Variants in NXPH1 observed in about 807,000 individuals in gnomAD.
The protein encoded by NXPH1 is neurexophilin 1.
A neutral mutation model predicts 23.7 loss-of-function variants in NXPH1; 5 were observed. The observed-to-expected ratio is 0.21, with a 90% CI of 0.11 to 0.44. NXPH1 has a LOEUF of 0.44. Ranked by LOEUF, NXPH1 falls within the 20% of genes least tolerant of loss-of-function variation. NXPH1 has a pLI of 0.99. For missense variants in NXPH1, 324 were observed against 321.6 expected (o/e 1.01, Z -0.06); for synonymous variants, 144 against 122.2 (o/e 1.18, Z -1.18).
chr7:8,725,143 T>C lies in NXPH1; in HGVS notation c.55-25865T>C, dbSNP rs370764533. 5.3e-5 allele frequency among the ~76,000 whole-genome samples: 8 copies of C among 152,136 alleles called. No individual in the cohort carries two copies. The East Asian group carries it at 9.6e-4, about 18-fold the overall frequency. ...GGGAATAGTTTTCTTATAGAAATAG[T>C]GGTGTTTGATATTCTCAGTGCATGA... is the stretch of plus-strand genomic sequence containing the variant. On this transcript the variant is annotated intron_variant, in intron 2 of 2. Coordinates refer to ENST00000405863, the MANE Select transcript of NXPH1 (RefSeq NM_152745.3).
intron 2 of NXPH1, among the ~76,000 whole-genome samples, chr7:8,693,606 G>A: frequency 6.6e-6 from 1 of 152,140 alleles, no homozygotes; most frequent in East Asian, 1.9e-4. Flanking sequence ...TTATCATTAA[G>A]TGTTATTATT....
At chr7:8,478,266 AC>A (rs1384190336) in intron 2 of NXPH1, among the ~76,000 whole-genome samples, 1 of 152,238 alleles carries the variant, frequency 6.6e-6, no homozygotes, top group Non-Finnish European at 1.5e-5. Context: ...GGGACCAAAA[AC>A]TGTAATGTGA....
intron 2 of NXPH1, among the ~76,000 whole-genome samples, chr7:8,575,308 T>A (rs1344306385): frequency 2.0e-5 from 3 of 152,214 alleles, no homozygotes; most frequent in Non-Finnish European, 4.4e-5. Flanking sequence ...ACAACTAAAA[T>A]GTCTCTTTTT....
At chr7:8,493,997 T>C (rs1391666575) in intron 2 of NXPH1, among the ~76,000 whole-genome samples, 5 of 152,072 alleles carry the variant, frequency 3.3e-5, no homozygotes, top group African/African-American at 4.8e-5. Context: ...AAGAAGTTAG[T>C]TGATTTTTAT....
rs1302405932 is a variant in NXPH1 at position 8,442,485 on chromosome 7, C to A, written c.54+6718C>A. Among the ~76,000 whole-genome samples the A allele has an allele frequency of 6.6e-6, 1 of 152,176 alleles. No homozygotes were observed. The highest frequency in any genetic ancestry group is 2.4e-5 in the African/African-American group (1 of 41,466). ...GGGAGGCCGCGCGTCCTCGCCACAC[C>A]GGAAGGAGAGGGCATCCGGCTCACA... is the stretch of plus-strand genomic sequence containing the variant. On this transcript the variant is annotated intron_variant, in intron 2 of 2. Coordinates refer to ENST00000405863, the MANE Select transcript of NXPH1 (RefSeq NM_152745.3). The surrounding 1 kb of genome is among the most constrained non-coding windows in gnomAD (Gnocchi z 4.6).
intron 2 of NXPH1, among the ~76,000 whole-genome samples, chr7:8,653,916 G>A (rs369906320): frequency 3.3e-5 from 5 of 152,228 alleles, no homozygotes; most frequent in Admixed American, 2.0e-4. Context: ...AACTCCTATC[G>A]TTAGAAAAAT....
intron 2 of NXPH1, among the ~76,000 whole-genome samples, chr7:8,465,052 A>G (rs1265289158): frequency 6.6e-6 from 1 of 152,234 alleles, no homozygotes; most frequent in Non-Finnish European, 1.5e-5. Flanking sequence ...AGAGGCGGAT[A>G]TAGATACCAG....
intron 2 of NXPH1, among the ~76,000 whole-genome samples, chr7:8,533,691 A>G (rs1437004886): frequency 6.6e-6 from 1 of 152,118 alleles, no homozygotes; most frequent in African/African-American, 2.4e-5. Flanking sequence ...TCAGAAAGAA[A>G]TTCTTTCTGT....
intron 2 of NXPH1, among the ~76,000 whole-genome samples, chr7:8,504,249 C>T (rs1351754924): frequency 6.6e-6 from 1 of 152,014 alleles, no homozygotes; most frequent in East Asian, 1.9e-4. Flanking sequence ...GTACTATTCT[C>T]AACCTCCACC....
intron 2 of NXPH1, among the ~76,000 whole-genome samples, chr7:8,581,855 T>C (rs1818880405): frequency 1.3e-5 from 2 of 152,136 alleles, no homozygotes; most frequent in East Asian, 3.9e-4. Flanking sequence ...AATAGTGTCA[T>C]GGGCTCCTTG....
intron 2 of NXPH1, among the ~76,000 whole-genome samples, chr7:8,454,197 T>A (rs1451414587): frequency 6.6e-6 from 1 of 152,092 alleles, no homozygotes; most frequent in African/African-American, 2.4e-5. Flanking sequence ...ATGACACCTA[T>A]GTAACAAACC....
At chr7:8,439,563 A>G (rs895591062) in intron 2 of NXPH1, among the ~76,000 whole-genome samples, 102 of 152,388 alleles carry the variant, frequency 6.7e-4, no homozygotes, top group African/African-American at 2.3e-3. Flanking sequence ...CATTTCTGCT[A>G]GGAATTAAAT....
At chr7:8,513,279 G>A (rs1468459691) in intron 2 of NXPH1, among the ~76,000 whole-genome samples, 1 of 152,032 alleles carries the variant, frequency 6.6e-6, no homozygotes, top group African/African-American at 2.4e-5. Context: ...AGAATAGAAT[G>A]AAGGGATATC....
intron 2 of NXPH1, among the ~76,000 whole-genome samples, chr7:8,470,723 G>A (rs1216689796): frequency 1.2e-4 from 19 of 152,128 alleles, no homozygotes. Context: ...TATGATGGCT[G>A]TTTATCAAAT....
intron 2 of NXPH1, among the ~76,000 whole-genome samples, chr7:8,651,070 C>A (rs1384243284): frequency 1.3e-5 from 2 of 150,212 alleles, no homozygotes; most frequent in African/African-American, 4.9e-5. Flanking sequence ...GCGCTGCACC[C>A]ACTAACTCGT....
chr7:8,575,119 A>G (rs374804601), intron 2 of NXPH1, among the ~76,000 whole-genome samples: 2 of 152,196 alleles, frequency 1.3e-5, no homozygotes, highest in East Asian at 1.9e-4. Flanking sequence ...ATTTCTGACT[A>G]AGCCTTCTAA....
chr7:8,593,144 G>C (rs1819137149), intron 2 of NXPH1, among the ~76,000 whole-genome samples: 1 of 150,836 alleles, frequency 6.6e-6, no homozygotes, highest in Admixed American at 6.6e-5. Flanking sequence ...TCCCTAAGCA[G>C]ATTGCATGTT....
intron 2 of NXPH1, among the ~76,000 whole-genome samples, chr7:8,564,793 A>G (rs929774011): frequency 2.0e-5 from 3 of 151,832 alleles, no homozygotes; most frequent in Non-Finnish European, 2.9e-5. Flanking sequence ...AAGTTTAAAA[A>G]GAATATGCAC....
intron 2 of NXPH1, among the ~76,000 whole-genome samples, chr7:8,598,835 A>G (rs1332359693): frequency 6.6e-6 from 1 of 152,118 alleles, no homozygotes; most frequent in Non-Finnish European, 1.5e-5. Flanking sequence ...GCCTGGTAAG[A>G]GTTTTCTGAA....
Sources: allele counts gnomAD v4.1 joint callset (sites outside exome capture counted in the v4.1 genomes callset), GRCh38; gene constraint gnomAD v4.1.1; non-coding constraint Gnocchi (gnomAD v3.1); transcripts MANE v1.5; gene names NCBI Gene and HGNC (gene_info 2026-07-23, HGNC 2026-07-21).